The following SPAST variants were observed in gnomAD, a reference collection of about 807,000 sequenced individuals.
The protein encoded by SPAST is spastic paraplegia 4 (autosomal dominant; spastin).
In SPAST, 30 loss-of-function variants were observed where a neutral mutation model predicts 76.6. That is an observed-to-expected ratio of 0.39 (90% confidence interval 0.29 to 0.53). The LOEUF is 0.53. Ranked by LOEUF, SPAST falls within the 20% of genes least tolerant of loss-of-function variation. The probability of loss-of-function intolerance (pLI) is 0.68; values close to 1 mark genes in which losing one functional copy is unlikely to be tolerated. For synonymous variants in SPAST, 305 were observed against 281.0 expected (o/e 1.09, Z -0.86); for missense variants, 717 against 770.5 (o/e 0.93, Z 0.82).
intron 2 of SPAST, among the ~76,000 whole-genome samples, chr2:32,088,393 C>A (rs1053765152): frequency 1.3e-5 from 2 of 151,766 alleles, no homozygotes; most frequent in African/African-American, 4.8e-5. Context: ...GCCTGTAATC[C>A]CAGCACTTTG....
At chr2:32,088,781 G>A (rs964255591) in intron 2 of SPAST, among the ~76,000 whole-genome samples, 21 of 152,050 alleles carry the variant, frequency 1.4e-4, no homozygotes, top group African/African-American at 4.3e-4. Flanking sequence ...TAATCTTATT[G>A]AAGAGGCTGT....
intron 1 of SPAST, chr2:32,078,001 G>GTTTTT (rs1481501135): frequency 6.6e-6 from 1 of 150,688 alleles, no homozygotes; most frequent in Admixed American, 6.6e-5. Context: ...GTTTTGTTTT[G>GTTTTT]TTTTTTTGAG....
intron 7 of SPAST, among the ~76,000 whole-genome samples, chr2:32,116,538 T>C (rs890166491): frequency 6.6e-6 from 1 of 152,124 alleles, no homozygotes; most frequent in African/African-American, 2.4e-5. Flanking sequence ...TGATCTTAGC[T>C]CACTGCAACC....
chr2:32,156,262 C>G lies in SPAST; in HGVS notation c.*1766C>G, dbSNP rs2148770835. On this transcript the variant is annotated 3_prime_UTR_variant, in exon 17 of 17. Coordinates refer to ENST00000315285, the MANE Select transcript of SPAST (RefSeq NM_014946.4). ...ATGTTGGTCAGGCTGGTCTTGAACT[C>G]CTGACCTCAGGTGATCCGCCTGCCT... The G allele has an allele frequency of 6.6e-6, 1 of 152,302 alleles. No individual in the cohort carries two copies. The highest frequency in any genetic ancestry group is 1.5e-5 in the Non-Finnish European group (1 of 68,058). The allele number at this position is 152,302 out of a possible 1,614,324, so 9.4% of individuals were successfully genotyped here.
At chr2:32,091,002 A>T (rs1198065324) in intron 3 of SPAST, among the ~76,000 whole-genome samples, 1 of 152,036 alleles carries the variant, frequency 6.6e-6, no homozygotes, top group Non-Finnish European at 1.5e-5. Flanking sequence ...ATCAACTGTA[A>T]TAGAAACTTT....
intron 2 of SPAST, among the ~76,000 whole-genome samples, chr2:32,089,177 C>T (rs886593484): frequency 6.8e-6 from 1 of 147,302 alleles, no homozygotes; most frequent in African/African-American, 2.5e-5. Context: ...ATCCTTGCAA[C>T]TCACCCTCCC....
intron 5 of SPAST, 62 bp downstream of exon 5, chr2:32,114,887 T>C (rs770576319): frequency 3.2e-5 from 37 of 1,171,212 alleles, no homozygotes; most frequent in South Asian, 2.0e-4. Flanking sequence ...TTTAAGATAC[T>C]ATTCCTGCTT....
intron 1 of SPAST, among the ~76,000 whole-genome samples, chr2:32,073,589 A>C (rs181145445): frequency 1.3e-5 from 2 of 152,156 alleles, no homozygotes; most frequent in East Asian, 3.9e-4. Context: ...CTCACCCCAT[A>C]AAGTGCGGAG....
chr2:32,131,157 CTTTT>C (rs1236928265), intron 9 of SPAST, among the ~76,000 whole-genome samples: 1 of 152,158 alleles, frequency 6.6e-6, no homozygotes, highest in African/African-American at 2.4e-5. Flanking sequence ...TATTATTATG[CTTTT>C]TCCTGTCATG....
At chr2:32,089,858 G>T (rs543271541) in intron 3 of SPAST, among the ~76,000 whole-genome samples, 43 of 152,052 alleles carry the variant, frequency 2.8e-4, no homozygotes, top group Non-Finnish European at 5.7e-4. Flanking sequence ...CTACCTCCCA[G>T]GTTCACGCCA....
At chr2:32,073,660 T>C (rs534038527) in intron 1 of SPAST, among the ~76,000 whole-genome samples, 106 of 152,278 alleles carry the variant, frequency 7.0e-4, no homozygotes, top group Non-Finnish European at 3.8e-4. Flanking sequence ...ATAATAGTCC[T>C]GCAAAGCCAG....
At chr2:32,105,272 G>A (rs537862445) in intron 4 of SPAST, among the ~76,000 whole-genome samples, 4 of 152,182 alleles carry the variant, frequency 2.6e-5, no homozygotes, top group Admixed American at 2.0e-4. Flanking sequence ...CATGCATCAC[G>A]TAGTTTTCGT....
chr2:32,122,632 G>A (rs1679057625), intron 7 of SPAST, among the ~76,000 whole-genome samples: 1 of 151,806 alleles, frequency 6.6e-6, no homozygotes, highest in African/African-American at 2.4e-5. Context: ...TGAAATTACT[G>A]TTTTTATAGG....
At position 32,136,945 on chromosome 2, in the gene SPAST, G is replaced by C; in HGVS notation, c.1390G>C (p.Glu464Gln). 2 of 1,613,294 alleles carry C rather than the reference G, an allele frequency of 1.2e-6. No homozygotes were observed. The highest frequency in any genetic ancestry group is 1.7e-6 in the Non-Finnish European group (2 of 1,179,362). Residue 464 changes from glutamate to glutamine, a missense_variant, in exon 11 of 17, where the codon GAA becomes CAA. Physicochemically the swap from Glu to Gln is conservative, Grantham distance 29. Around this residue, in one of 3 missense-constraint regions of SPAST, gnomAD observed 78 missense variants for 197.6 expected, o/e 0.39. Coordinates refer to ENST00000315285, the MANE Select transcript of SPAST (RefSeq NM_014946.4). ...EHDASRRLKT[E>Q]FLIEFDGVQS... ...CGATGCTAGTAGACGCCTAAAAACT[G>C]AATTTCTAATAGAATTTGATGGTGT...
chr2:32,078,681 A>G (rs1317459451), intron 1 of SPAST, among the ~76,000 whole-genome samples: 1 of 152,192 alleles, frequency 6.6e-6, no homozygotes, highest in East Asian at 1.9e-4. Flanking sequence ...GCACAAGTAT[A>G]GAACTTGAAA....
rs891592004 is a variant in SPAST, at chr2:32,157,512, C to CT, written c.*3019dup. 2.0e-5 allele frequency: 3 copies of CT among 152,546 alleles called. No individual in the cohort carries two copies. The highest frequency in any genetic ancestry group is 4.8e-5 in the African/African-American group (2 of 41,438). 9.4% of individuals were successfully genotyped at this position (152,546 alleles called of 1,614,324 possible). A position where few individuals can be genotyped will look rare whatever the true frequency, so the allele number is the denominator to read the frequency against. On this transcript the variant is annotated 3_prime_UTR_variant, in exon 17 of 17. Coordinates refer to ENST00000315285, the MANE Select transcript of SPAST (RefSeq NM_014946.4). ...TTGGACTCTGAGTCAAAGGATTTTC[C>CT]TTTAAATGCTTGTCTCAATTTTAGT...
intron 9 of SPAST, among the ~76,000 whole-genome samples, chr2:32,132,695 CCTGA>C: frequency 6.6e-6 from 1 of 151,926 alleles, no homozygotes; most frequent in Non-Finnish European, 1.5e-5. Context: ...TCAGATGTGA[CCTGA>C]CTTTGAAGAC....
intron 1 of SPAST, among the ~76,000 whole-genome samples, chr2:32,080,606 T>C (rs1376393619): frequency 2.0e-5 from 3 of 152,076 alleles, no homozygotes; most frequent in African/African-American, 7.2e-5. Context: ...GAGCTAATGT[T>C]AAAGGATTTT....
intron 1 of SPAST, 51 bp downstream of exon 1, chr2:32,064,297 GGGTC>G: frequency 7.8e-7 from 1 of 1,285,928 alleles, no homozygotes; most frequent in Non-Finnish European, 1.1e-6. Flanking sequence ...GAAGGCGGTG[GGGTC>G]GCCGGGGGAG....
Sources: gnomAD v4.1 joint callset for allele counts (sites outside exome capture counted in the v4.1 genomes callset) on GRCh38, gnomAD v4.1.1 for gene constraint, gnomAD v4.1.1 regional missense constraint, MANE v1.5 for transcripts, NCBI Gene and HGNC (gene_info 2026-07-23, HGNC 2026-07-21) for gene names.